The following SOX6 variants were observed in gnomAD, a reference collection of about 807,000 sequenced individuals.
The protein encoded by SOX6 is transcription factor SOX-6.
Under a neutral mutation model 97.8 loss-of-function variants are expected in SOX6, and 11 were observed. The observed-to-expected ratio is 0.11, with a 90% CI of 0.07 to 0.19. SOX6 has a LOEUF of 0.19. Ranked by LOEUF, SOX6 falls within the 10% of genes least tolerant of loss-of-function variation. The pLI is 1.00. For missense variants in SOX6, 810 were observed against 1,039.5 expected, an observed-to-expected ratio of 0.78 and a Z score of 3.04; for synonymous variants, 360 against 371.4, an observed-to-expected ratio of 0.97 and a Z score of 0.35.
At chr11:16,436,876 C>G (rs1859385434) in intron 1 of SOX6, among the ~76,000 whole-genome samples, 1 of 152,016 alleles carries the variant, frequency 6.6e-6, no homozygotes, top group South Asian at 2.1e-4. Flanking sequence ...TGTGTTCTGT[C>G]CCCAAACTAT....
chr11:16,687,461 G>A lies in SOX6; in HGVS notation n.429+27369C>T, dbSNP rs541492558. On this transcript the variant is annotated intron_variant and non_coding_transcript_variant, in intron 3 of 5. Transcript: ENST00000524520. ...TCCTTAACTAATTTTTGCATTTTTAGTAGAGACAGGGTTTCACCATGTTGG... is the reference window on the plus strand; with the variant it reads ...TCCTTAACTAATTTTTGCATTTTTAATAGAGACAGGGTTTCACCATGTTGG... Among the ~76,000 whole-genome samples, 28 of 152,260 alleles carry A rather than the reference G, an allele frequency of 1.8e-4. No individual in the cohort carries two copies. The South Asian group carries it at 5.8e-3, about 32-fold the overall frequency.
chr11:16,717,351 C>A (rs1021795343), intron 2 of SOX6, among the ~76,000 whole-genome samples: 1 of 151,980 alleles, frequency 6.6e-6, no homozygotes, highest in Non-Finnish European at 1.5e-5. Context: ...TATTACAGAA[C>A]TTTTTAAGTT....
At chr11:16,529,429 A>G (rs1861209852) in intron 4 of SOX6, among the ~76,000 whole-genome samples, 1 of 152,074 alleles carries the variant, frequency 6.6e-6, no homozygotes, top group Non-Finnish European at 1.5e-5. Flanking sequence ...AGATCCTGTT[A>G]CTCTAACACA....
intron 4 of SOX6, among the ~76,000 whole-genome samples, chr11:16,202,137 T>C (rs995981463): frequency 6.6e-6 from 1 of 152,138 alleles, no homozygotes; most frequent in African/African-American, 2.4e-5. Context: ...TTAAAATATC[T>C]AAATTTTACA....
rs541043117 is a variant in SOX6, at chr11:16,088,599, A to G, written c.1101+7397T>C. Among the ~76,000 whole-genome samples, 13 of 152,006 alleles carry G rather than the reference A, an allele frequency of 8.6e-5. No homozygotes were observed. In the East Asian group the frequency reaches 1.2e-3, roughly 14 times the overall value. On this transcript the variant is annotated intron_variant, in intron 9 of 15. Transcript: ENST00000683767. Reference sequence around the variant, plus strand: ...ATTTCCTGAGCATGATCATTTATAAACTCTCTTTAAATGTAGATTTTGACA... The same window carrying G: ...ATTTCCTGAGCATGATCATTTATAAGCTCTCTTTAAATGTAGATTTTGACA...
intron 3 of SOX6, among the ~76,000 whole-genome samples, chr11:16,682,687 A>G (rs1784655222): frequency 1.3e-5 from 2 of 152,216 alleles, no homozygotes; most frequent in East Asian, 3.9e-4. Flanking sequence ...CAAAACAAGG[A>G]TGCCCTCTCC....
intron 1 of SOX6, among the ~76,000 whole-genome samples, chr11:16,420,981 A>T (rs1018861487): frequency 1.3e-5 from 2 of 152,190 alleles, no homozygotes; most frequent in East Asian, 3.8e-4. Context: ...AAAAGGGCCA[A>T]ACTAGTTAGC....
chr11:16,698,644 T>C (rs995432623), intron 3 of SOX6, among the ~76,000 whole-genome samples: 3 of 152,242 alleles, frequency 2.0e-5, no homozygotes, highest in Non-Finnish European at 2.9e-5. Flanking sequence ...TAGCTTTTGA[T>C]TGAAAGTGAG....
chr11:16,322,147 T>C (rs767001098), intron 2 of SOX6, among the ~76,000 whole-genome samples: 18 of 152,134 alleles, frequency 1.2e-4, no homozygotes, highest in Non-Finnish European at 1.9e-4. Context: ...GACACATCAA[T>C]TGAGGCAAAA....
At chr11:16,195,946 C>T (rs562597785) in intron 4 of SOX6, among the ~76,000 whole-genome samples, 1 of 152,136 alleles carries the variant, frequency 6.6e-6, no homozygotes, top group Non-Finnish European at 1.5e-5. Context: ...GGAAGTGAGT[C>T]TAGCATGATT....
chr11:16,301,657 A>C (rs1174993134), intron 3 of SOX6, among the ~76,000 whole-genome samples: 2 of 152,146 alleles, frequency 1.3e-5, no homozygotes, highest in Non-Finnish European at 2.9e-5. Context: ...CTAAAGGTAT[A>C]GTCACTTCCC....
At chr11:16,708,058 T>C (rs1329179379) in intron 3 of SOX6, among the ~76,000 whole-genome samples, 3 of 152,158 alleles carry the variant, frequency 2.0e-5, no homozygotes, top group Non-Finnish European at 4.4e-5. Context: ...CAAACAGTAA[T>C]AACAGTCACA....
At chr11:16,644,254 G>C (rs1012823427) in intron 3 of SOX6, among the ~76,000 whole-genome samples, 1 of 152,078 alleles carries the variant, frequency 6.6e-6, no homozygotes, top group African/African-American at 2.4e-5. Flanking sequence ...TGCCCATGCT[G>C]GTCTCAAACT....
At chr11:16,565,615 GCA>G (rs768033993) in intron 4 of SOX6, among the ~76,000 whole-genome samples, 144,406 of 147,784 alleles carry the variant, frequency 0.98, 71,074 homozygotes, top group East Asian at 1. Flanking sequence ...TAATTTTAAA[GCA>G]TGGCACATGT....
intron 3 of SOX6, among the ~76,000 whole-genome samples, chr11:16,307,044 GT>G (rs1443077416): frequency 6.6e-6 from 1 of 152,182 alleles, no homozygotes; most frequent in Non-Finnish European, 1.5e-5. Flanking sequence ...CAAGTTATAT[GT>G]TTGCGCAAGT....
At chr11:16,100,590 T>A (rs1317545391) in intron 7 of SOX6, among the ~76,000 whole-genome samples, 1 of 151,554 alleles carries the variant, frequency 6.6e-6, no homozygotes. Flanking sequence ...TGAGAGAAAA[T>A]AAATTCTTAA....
chr11:16,463,819 T>C (rs1442865140), intron 1 of SOX6, among the ~76,000 whole-genome samples: 12 of 152,220 alleles, frequency 7.9e-5, no homozygotes, highest in Admixed American at 7.9e-4. Context: ...CACAACCTTC[T>C]TTCAGGCATA....
rs564303432 is a variant in SOX6 at position 16,042,809 on chromosome 11, A to C, written c.1623+3705T>G. Among the ~76,000 whole-genome samples the C allele has an allele frequency of 2.0e-4, 30 of 152,284 alleles. 1 individual carries two copies. The highest frequency in any genetic ancestry group is 7.9e-4 in the Admixed American group (12 of 15,282). Reference sequence around the variant, plus strand: ...CTCACTTTGACACCTGATGAGGTCAAGTATTTTTCTCAAGTGATTCCCAGA... The same window carrying C: ...CTCACTTTGACACCTGATGAGGTCACGTATTTTTCTCAAGTGATTCCCAGA... On this transcript the variant is annotated intron_variant, in intron 12 of 15. Transcript: ENST00000683767.
rs139078243 is a variant in SOX6, at chr11:16,037,787, T to C, written c.1623+8727A>G. Among the ~76,000 whole-genome samples, 357 of 152,258 alleles carry C rather than the reference T, an allele frequency of 2.3e-3. 2 individuals are homozygous for C. Among genetic ancestry groups the C allele is most frequent in the African/African-American group, 8.4e-3 (348 of 41,548 alleles). ...ATTTAAACTGCCACCATCATATTCT[T>C]CTTAAAATGTAGTTTAGATTAAATG... On this transcript the variant is annotated intron_variant, in intron 12 of 15. Transcript: ENST00000683767.
Sources: gnomAD v4.1 joint callset for allele counts (sites outside exome capture counted in the v4.1 genomes callset) on GRCh38, gnomAD v4.1.1 for gene constraint, MANE v1.5 for transcripts, NCBI Gene and HGNC (gene_info 2026-07-23, HGNC 2026-07-21) for gene names.